Variants in LRRC4C observed in about 807,000 individuals in gnomAD.
LRRC4C encodes leucine-rich repeat-containing protein 4C.
In LRRC4C, 5 loss-of-function variants were observed where a neutral mutation model predicts 33.6. The observed-to-expected ratio is 0.15, with a 90% CI of 0.08 to 0.31. The LOEUF is 0.31. Among genes scored for constraint, LRRC4C ranks in the 10% least tolerant of loss-of-function variants. The probability of loss-of-function intolerance (pLI) is 1.00; values close to 1 mark genes in which losing one functional copy is unlikely to be tolerated. For synonymous variants in LRRC4C, 329 were observed against 302.0 expected, an observed-to-expected ratio of 1.09 and a Z score of -0.93; for missense variants, 560 against 796.7, an observed-to-expected ratio of 0.70 and a Z score of 3.58.
At chr11:40,256,405 A>G (rs1479649227) in intron 4 of LRRC4C, among the ~76,000 whole-genome samples, 1 of 152,104 alleles carries the variant, frequency 6.6e-6, no homozygotes, top group African/African-American at 2.4e-5. Context: ...ATATGTAAAA[A>G]TCTTGGTAGA....
chr11:40,971,791 C>T (rs1387395078), intron 1 of LRRC4C, among the ~76,000 whole-genome samples: 1 of 152,108 alleles, frequency 6.6e-6, no homozygotes, highest in East Asian at 1.9e-4. Flanking sequence ...GCAGGGCTAC[C>T]CAAAGCCATA....
chr11:40,782,706 G>T (rs989747836), intron 2 of LRRC4C, among the ~76,000 whole-genome samples: 5 of 152,058 alleles, frequency 3.3e-5, no homozygotes, highest in African/African-American at 1.2e-4. Context: ...TAGAGTTTTT[G>T]AATCTGTTAC....
At chr11:40,499,194 C>T (rs1801537727) in intron 3 of LRRC4C, among the ~76,000 whole-genome samples, 1 of 152,116 alleles carries the variant, frequency 6.6e-6, no homozygotes, top group African/African-American at 2.4e-5. Context: ...ACATTTGAAG[C>T]TGAAACTGAC....
chr11:40,981,887 C>A (rs1852569089), intron 1 of LRRC4C, among the ~76,000 whole-genome samples: 1 of 152,162 alleles, frequency 6.6e-6, no homozygotes, highest in South Asian at 2.1e-4. Context: ...ACAAGTCCTT[C>A]AACTTGGCAA....
intron 1 of LRRC4C, among the ~76,000 whole-genome samples, chr11:41,245,994 C>T (rs1029788032): frequency 2.0e-5 from 3 of 152,174 alleles, no homozygotes; most frequent in Middle Eastern, 3.4e-3. Flanking sequence ...GAAAAGGCAC[C>T]GTAAGTTCTC....
intron 1 of LRRC4C, among the ~76,000 whole-genome samples, chr11:41,274,866 C>T (rs146920352): frequency 1.2e-4 from 19 of 152,190 alleles, no homozygotes; most frequent in Admixed American, 2.0e-4. Flanking sequence ...GAACAAACTC[C>T]GGACACAATA....
At chr11:41,426,068 C>A (rs1955029668) in intron 1 of LRRC4C, among the ~76,000 whole-genome samples, 1 of 152,100 alleles carries the variant, frequency 6.6e-6, no homozygotes, top group Non-Finnish European at 1.5e-5. Context: ...GAAACTGGGG[C>A]CACCTTTTGG....
intron 1 of LRRC4C, among the ~76,000 whole-genome samples, chr11:41,161,927 T>G (rs981669580): frequency 2.0e-4 from 30 of 152,118 alleles, no homozygotes; most frequent in African/African-American, 6.5e-4. Context: ...AAAAAATATA[T>G]GTAAGTAAAC....
intron 1 of LRRC4C, among the ~76,000 whole-genome samples, chr11:41,304,517 G>A (rs1950409015): frequency 8.5e-6 from 1 of 117,460 alleles, no homozygotes; most frequent in Non-Finnish European, 1.8e-5. Flanking sequence ...CCGTCCGGGA[G>A]GGAGGTGGGG....
chr11:40,507,101 G>A (rs904866381), intron 3 of LRRC4C, among the ~76,000 whole-genome samples: 6 of 152,036 alleles, frequency 3.9e-5, no homozygotes, highest in Non-Finnish European at 8.8e-5. Flanking sequence ...ACTAATATTG[G>A]AATAGGGATT....
chr11:40,328,862 A>G lies in LRRC4C; in HGVS notation c.-269-9141T>C, dbSNP rs2136919437. The stretch of plus-strand genomic sequence containing the variant: ...GACAATTCATAAATGTGAAAAAGGT[A>G]ACTGGATAATAGCAGCATGAGTGGG... On this transcript the variant is annotated intron_variant, in intron 3 of 6. Coordinates refer to ENST00000528697, the MANE Select transcript of LRRC4C (RefSeq NM_001258419.2). Among the ~76,000 whole-genome samples the G allele has an allele frequency of 1.3e-5, 2 of 152,368 alleles. 1 individual carries two copies. Among genetic ancestry groups the G allele is most frequent in the South Asian group, 4.1e-4 (2 of 4,828 alleles).
At chr11:41,293,817 G>T (rs990087602) in intron 1 of LRRC4C, among the ~76,000 whole-genome samples, 1 of 151,922 alleles carries the variant, frequency 6.6e-6, no homozygotes, top group Non-Finnish European at 1.5e-5. Context: ...GGCTTGTCTC[G>T]AACTCTTGAC....
chr11:41,249,108 C>A (rs905621146), intron 1 of LRRC4C, among the ~76,000 whole-genome samples: 1 of 151,518 alleles, frequency 6.6e-6, no homozygotes, highest in African/African-American at 2.4e-5. Context: ...GATCTCGGCT[C>A]ACTGCAAGCT....
intron 1 of LRRC4C, among the ~76,000 whole-genome samples, chr11:41,021,377 G>T (rs557381519): frequency 6.6e-6 from 1 of 151,572 alleles, no homozygotes; most frequent in East Asian, 1.9e-4. Context: ...CTTTCCTATA[G>T]CTCTAATGTA....
chr11:40,830,182 T>A (rs1043713443), intron 2 of LRRC4C, among the ~76,000 whole-genome samples: 1 of 152,126 alleles, frequency 6.6e-6, no homozygotes, highest in African/African-American at 2.4e-5. Context: ...TGAAATTTAT[T>A]CAATAACTGC....
At chr11:40,680,500 C>T (rs142241815) in intron 2 of LRRC4C, among the ~76,000 whole-genome samples, 45 of 152,208 alleles carry the variant, frequency 3.0e-4, no homozygotes, top group African/African-American at 1.1e-3. Context: ...TTCGAGGGAC[C>T]CAGTGGGAGA....
At chr11:41,297,804 A>G (rs549930224) in intron 1 of LRRC4C, among the ~76,000 whole-genome samples, 1 of 152,334 alleles carries the variant, frequency 6.6e-6, no homozygotes, top group African/African-American at 2.4e-5. Context: ...TAAGAATTTA[A>G]TGTATAGATA....
chr11:41,396,159 A>G (rs902184321), intron 1 of LRRC4C, among the ~76,000 whole-genome samples: 5 of 152,012 alleles, frequency 3.3e-5, no homozygotes, highest in African/African-American at 1.2e-4. Context: ...CGTTGCAGAT[A>G]TTAGTTTATA....
chr11:40,595,511 C>T (rs7927543), intron 3 of LRRC4C, among the ~76,000 whole-genome samples: 36,834 of 151,926 alleles, frequency 0.24, 4,862 homozygotes, highest in East Asian at 0.5. Context: ...TCTCCTTCTT[C>T]TTCTCTTCCT....
Sources: gnomAD v4.1 joint callset for allele counts (sites outside exome capture counted in the v4.1 genomes callset) on GRCh38, gnomAD v4.1.1 for gene constraint, MANE v1.5 for transcripts, NCBI Gene and HGNC (gene_info 2026-07-23, HGNC 2026-07-21) for gene names.